DNAAF9: variants seen among roughly 807,000 people sequenced by gnomAD.
DNAAF9 encodes the protein dynein axonemal assembly factor 9, also known as shulin.
A neutral mutation model predicts 167.0 loss-of-function variants in DNAAF9; 90 were observed. The observed-to-expected ratio is 0.54, with a 90% CI of 0.45 to 0.64. The LOEUF (loss-of-function observed/expected upper bound fraction) is 0.64, where lower values mean the gene tolerates loss of function less well. DNAAF9 is among the 30% of genes least tolerant of loss of function. The pLI is 0.00. For synonymous variants in DNAAF9, 491 were observed against 508.8 expected (o/e 0.96, Z 0.47); for missense variants, 1,315 against 1,442.2 (o/e 0.91, Z 1.43).
rs1555801904 is a variant in DNAAF9, at chr20:3,407,641, G to T, written c.-84C>A. Reference sequence around the variant, plus strand: ...GCAGGGCGGCTCCACGCTAGCTGCGGCCGGGCGGGGCGGCAGGGCGTGCCG... The same window carrying T: ...GCAGGGCGGCTCCACGCTAGCTGCGTCCGGGCGGGGCGGCAGGGCGTGCCG... On this transcript the variant is annotated 5_prime_UTR_variant, in exon 1 of 37. Coordinates refer to ENST00000252032, the MANE Select transcript of DNAAF9 (RefSeq NM_001009984.3). The T allele has an allele frequency of 5.2e-6, 6 of 1,156,120 alleles. No individual in the cohort carries two copies. The highest frequency in any genetic ancestry group is 6.4e-6 in the Non-Finnish European group (6 of 939,564). The allele number at this position is 1,156,120 out of a possible 1,614,324, so 71.6% of individuals were successfully genotyped here. A position where few individuals can be genotyped will look rare whatever the true frequency, so the allele number is the denominator to read the frequency against.
chr20:3,366,264 A>T (rs1289716385), intron 6 of DNAAF9, among the ~76,000 whole-genome samples: 1 of 152,188 alleles, frequency 6.6e-6, no homozygotes, highest in Non-Finnish European at 1.5e-5. Flanking sequence ...TGCAGAATGG[A>T]TGTTGTGTTA....
At chr20:3,375,248 G>T in intron 4 of DNAAF9, 122 bp from the exon 5 acceptor site, 1 of 648,458 alleles carries the variant, frequency 1.5e-6, no homozygotes, top group Non-Finnish European at 2.7e-6. Flanking sequence ...CTGCACCCAA[G>T]GAGGTGTTTC....
chr20:3,313,640 A>G (rs527894075), intron 20 of DNAAF9, among the ~76,000 whole-genome samples: 1 of 152,314 alleles, frequency 6.6e-6, no homozygotes, highest in African/African-American at 2.4e-5. Flanking sequence ...CAAGACCAAC[A>G]AGGTTTTTGA....
chr20:3,398,889 C>T (rs1271679778), intron 1 of DNAAF9, among the ~76,000 whole-genome samples: 1 of 152,166 alleles, frequency 6.6e-6, no homozygotes, highest in Non-Finnish European at 1.5e-5. Context: ...AATGACACTT[C>T]CCACTGATGT....
rs569449249 is a variant in DNAAF9 at position 3,318,988 on chromosome 20, C to G, written c.1357-588G>C. ...ATCCCAGCTACTTGGGAGGCTGAGG[C>G]AGGAGAATTGCTTGAACCTGGGAGG... On this transcript the variant is annotated intron_variant, in intron 16 of 36. Coordinates refer to ENST00000252032, the MANE Select transcript of DNAAF9 (RefSeq NM_001009984.3). Among the ~76,000 whole-genome samples the G allele has an allele frequency of 8.9e-5, 13 of 146,750 alleles. 1 individual carries two copies. In the East Asian group the frequency reaches 2.4e-3, roughly 28 times the overall value.
At chr20:3,342,901 C>T (rs1324026309) in intron 9 of DNAAF9, among the ~76,000 whole-genome samples, 1 of 152,176 alleles carries the variant, frequency 6.6e-6, no homozygotes, top group African/African-American at 2.4e-5. Context: ...GACCTTCACA[C>T]CCTGATCCCT....
intron 1 of DNAAF9, among the ~76,000 whole-genome samples, chr20:3,386,313 C>T (rs2123259399): frequency 6.6e-6 from 1 of 152,230 alleles, no homozygotes; most frequent in East Asian, 1.9e-4. Context: ...ATAGAGTAAC[C>T]AGAAGCAGAC....
At chr20:3,273,774 A>G (rs2068632674) in intron 29 of DNAAF9, among the ~76,000 whole-genome samples, 1 of 152,230 alleles carries the variant, frequency 6.6e-6, no homozygotes, top group Non-Finnish European at 1.5e-5. Flanking sequence ...AGTGTTCACA[A>G]AGAAAATAAA....
At chr20:3,301,485 GC>G (rs1177211438) in intron 21 of DNAAF9, among the ~76,000 whole-genome samples, 1 of 152,144 alleles carries the variant, frequency 6.6e-6, no homozygotes, top group African/African-American at 2.4e-5. Context: ...ACCACGCCCA[GC>G]CCCTTATCCT....
chr20:3,324,837 A>T, intron 14 of DNAAF9, 55 bp downstream of exon 14: 1 of 865,568 alleles, frequency 1.2e-6, no homozygotes, highest in South Asian at 1.5e-5. Context: ...GGAAAAAAGA[A>T]TATTCCAAAA....
At chr20:3,402,869 A>G (rs1234252113) in intron 1 of DNAAF9, among the ~76,000 whole-genome samples, 1 of 152,210 alleles carries the variant, frequency 6.6e-6, no homozygotes, top group African/African-American at 2.4e-5. Context: ...TCTACCGCAT[A>G]TAAGTGAGAT....
At chr20:3,375,324 A>C (rs549361375) in intron 4 of DNAAF9, among the ~76,000 whole-genome samples, 198 bp from the exon 5 acceptor site, 5 of 152,286 alleles carry the variant, frequency 3.3e-5, no homozygotes, top group African/African-American at 1.2e-4. Flanking sequence ...TATTATACCC[A>C]AAAATCAACT....
chr20:3,398,055 T>C (rs151238143), intron 1 of DNAAF9, among the ~76,000 whole-genome samples: 1 of 152,258 alleles, frequency 6.6e-6, no homozygotes, highest in Non-Finnish European at 1.5e-5. Flanking sequence ...CCATCATGAT[T>C]TATCCAGGTG....
intron 3 of DNAAF9, among the ~76,000 whole-genome samples, chr20:3,380,158 G>C (rs1244367802): frequency 1.3e-5 from 2 of 152,218 alleles, no homozygotes; most frequent in Non-Finnish European, 2.9e-5. Context: ...AATCTGGGCT[G>C]AGGTGAAACG....
At chr20:3,376,648 T>C (rs1288142593) in intron 3 of DNAAF9, among the ~76,000 whole-genome samples, 1 of 152,222 alleles carries the variant, frequency 6.6e-6, no homozygotes, top group Non-Finnish European at 1.5e-5. Flanking sequence ...ATGTAAAGTG[T>C]ACATTTGGTT....
chr20:3,333,783 T>C (rs887788530), intron 10 of DNAAF9, among the ~76,000 whole-genome samples: 1 of 152,196 alleles, frequency 6.6e-6, no homozygotes, highest in African/African-American at 2.4e-5. Context: ...CTCTTTCACT[T>C]GTGTACACTT....
rs374383673 is a variant in DNAAF9, at chr20:3,382,548, G to C, written c.84-42C>G. The stretch of plus-strand genomic sequence containing the variant: ...AAATGGTCCCCTGAGTGCCAGGACA[G>C]CCCCATGAGAAGAGCAGCATCCTGT... On this transcript the variant is annotated intron_variant, in intron 1 of 36. Transcript: ENST00000252032. The C allele has an allele frequency of 3.3e-6, 5 of 1,503,932 alleles. No individual in the cohort carries two copies. In the South Asian group the frequency reaches 5.6e-5, roughly 17 times the overall value. The allele number at this position is 1,503,932 out of a possible 1,614,324, so 93.2% of individuals were successfully genotyped here. A position where few individuals can be genotyped will look rare whatever the true frequency, so the allele number is the denominator to read the frequency against.
At chr20:3,362,459 C>G (rs2083376506) in intron 6 of DNAAF9, 1 of 390,678 alleles carries the variant, frequency 2.6e-6, no homozygotes. Context: ...CTTAGAAGTA[C>G]TAACAGCTTC....
chr20:3,334,391 G>A (rs751147311), intron 10 of DNAAF9, among the ~76,000 whole-genome samples: 35 of 152,182 alleles, frequency 2.3e-4, no homozygotes, highest in Non-Finnish European at 4.4e-4. Context: ...ACAGACATCA[G>A]AATCTTGGAG....
Sources: gnomAD v4.1 joint callset for allele counts (sites outside exome capture counted in the v4.1 genomes callset) on GRCh38, gnomAD v4.1.1 for gene constraint, MANE v1.5 for transcripts, NCBI Gene and HGNC (gene_info 2026-07-23, HGNC 2026-07-21) for gene names.